TRAF6: variants seen among roughly 807,000 people sequenced by gnomAD.
TRAF6 encodes TNF receptor associated factor 6, also known as TNF receptor-associated factor 6.
In TRAF6, 10 loss-of-function variants were observed where a neutral mutation model predicts 48.4. The ratio of observed to expected loss-of-function variants is 0.21; its 90% CI spans 0.13 to 0.35. The LOEUF is 0.35. Among genes scored for constraint, TRAF6 ranks in the 10% least tolerant of loss-of-function variants. The pLI is 1.00. For synonymous variants in TRAF6, 186 were observed against 219.6 expected, an observed-to-expected ratio of 0.85 and a Z score of 1.35; for missense variants, 397 against 661.0, an observed-to-expected ratio of 0.60 and a Z score of 4.38.
chr11:36,498,795 T>C (rs1010853578), intron 2 of TRAF6, among the ~76,000 whole-genome samples, 155 bp from the exon 3 acceptor site: 2 of 152,214 alleles, frequency 1.3e-5, no homozygotes, highest in Non-Finnish European at 2.9e-5. Context: ...AAACTGTCCT[T>C]TTATGGAGAG....
intron 5 of TRAF6, among the ~76,000 whole-genome samples, chr11:36,494,159 G>A (rs1382889790): frequency 6.6e-6 from 1 of 152,026 alleles, no homozygotes; most frequent in Non-Finnish European, 1.5e-5. Flanking sequence ...GAGCTCAGGA[G>A]TTCGAGACCA....
Position 36,500,532 on chromosome 11 carries a change from C to A in TRAF6, c.296+688G>T, listed in dbSNP as rs780755519. Among the ~76,000 whole-genome samples, 21 of 152,180 alleles carry A rather than the reference C, an allele frequency of 1.4e-4. 1 individual carries two copies. The highest frequency in any genetic ancestry group is 2.6e-4 in the Non-Finnish European group (18 of 68,026). On this transcript the variant is annotated intron_variant, in intron 2 of 6. Coordinates refer to ENST00000526995, the MANE Select transcript of TRAF6 (RefSeq NM_004620.4). Reference sequence around the variant, plus strand: ...GGATTTTAGCTTTTACTCCCAGATACCCTGCTACAATGGTCTGAGCAGAGA... The same window carrying A: ...GGATTTTAGCTTTTACTCCCAGATAACCTGCTACAATGGTCTGAGCAGAGA...
chr11:36,492,750 G>A (rs1859581220), intron 5 of TRAF6, 122 bp from the exon 6 acceptor site: 2 of 706,220 alleles, frequency 2.8e-6, no homozygotes, highest in South Asian at 3.6e-5. Context: ...TTGAATAGGT[G>A]CAGCATAAAC....
chr11:36,502,873 TGAG>T (rs1182498777), intron 1 of TRAF6, among the ~76,000 whole-genome samples: 16 of 152,202 alleles, frequency 1.1e-4, no homozygotes, highest in African/African-American at 3.4e-4. Context: ...CTTGAGTTAC[TGAG>T]AAGATTAAAT....
intron 6 of TRAF6, among the ~76,000 whole-genome samples, chr11:36,491,325 A>T (rs1256284298): frequency 1.3e-5 from 2 of 152,194 alleles, no homozygotes; most frequent in African/African-American, 4.8e-5. Context: ...AAGGTCATAT[A>T]GTCTTTAAAA....
intron 1 of TRAF6, among the ~76,000 whole-genome samples, chr11:36,505,680 A>G (rs561411951): frequency 1.6e-4 from 25 of 152,320 alleles, no homozygotes; most frequent in Admixed American, 3.9e-4. Context: ...TAAATGGCCC[A>G]TTTTGACTTC....
intron 1 of TRAF6, among the ~76,000 whole-genome samples, 170 bp downstream of exon 1, chr11:36,509,878 C>T (rs1241334013): frequency 1.3e-5 from 2 of 151,624 alleles, no homozygotes; most frequent in Non-Finnish European, 2.9e-5. Context: ...GGCGGCGTCC[C>T]TGACCTGTGA....
rs978581209 is a variant in TRAF6, at chr11:36,487,808, G to A, written c.*2030C>T. ...TCTTTGTATCTAATGCACAGCCAGT[G>A]CTTTTAATAGAAATCTGACCAGGAA... is the stretch of plus-strand genomic sequence containing the variant. On this transcript the variant is annotated 3_prime_UTR_variant, in exon 7 of 7. Transcript: ENST00000526995. 6.6e-6 allele frequency: 1 copy of A among 152,086 alleles called. No individual in the cohort carries two copies. The highest frequency in any genetic ancestry group is 1.5e-5 in the Non-Finnish European group (1 of 68,028). The allele number at this position is 152,086 out of a possible 1,614,324, so 9.4% of individuals were successfully genotyped here.
intron 3 of TRAF6, among the ~76,000 whole-genome samples, chr11:36,497,951 C>T (rs1564967226): frequency 1.3e-5 from 2 of 148,302 alleles, no homozygotes; most frequent in South Asian, 2.1e-4. Context: ...GTGGCGTGAT[C>T]TCGGCTCACT....
At chr11:36,508,654 C>G (rs900480774) in intron 1 of TRAF6, among the ~76,000 whole-genome samples, 5 of 152,136 alleles carry the variant, frequency 3.3e-5, no homozygotes, top group Non-Finnish European at 5.9e-5. Flanking sequence ...GAGAAATTAT[C>G]TTTAATGTGC....
intron 1 of TRAF6, among the ~76,000 whole-genome samples, chr11:36,508,616 T>C (rs893936666): frequency 2.6e-5 from 4 of 152,186 alleles, no homozygotes; most frequent in African/African-American, 4.8e-5. Context: ...ATGTAACTTA[T>C]TGAAGTAAAA....
chr11:36,491,528 A>C (rs1182317649), intron 6 of TRAF6, among the ~76,000 whole-genome samples: 1 of 152,220 alleles, frequency 6.6e-6, no homozygotes, highest in Non-Finnish European at 1.5e-5. Flanking sequence ...GGGAAAAAAA[A>C]GTATAATGGA....
intron 5 of TRAF6, among the ~76,000 whole-genome samples, chr11:36,493,181 A>G (rs931263723): frequency 6.6e-6 from 1 of 152,242 alleles, no homozygotes; most frequent in Non-Finnish European, 1.5e-5. Flanking sequence ...GAAGCTCTAA[A>G]AAAAGTCTCA....
intron 5 of TRAF6, among the ~76,000 whole-genome samples, chr11:36,494,604 T>C (rs1167002235): frequency 6.6e-6 from 1 of 151,852 alleles, no homozygotes; most frequent in African/African-American, 2.4e-5. Flanking sequence ...CTCTGGACAC[T>C]TGAGATCCTC....
rs893015336 is a variant in TRAF6 at position 36,486,499 on chromosome 11, C to T, written c.*3339G>A. On this transcript the variant is annotated 3_prime_UTR_variant, in exon 7 of 7. Transcript: ENST00000526995. ...TATCTAAGACTTACTGGTGTAAAAA[C>T]GGTAATAGAGAATTATACTGTGACC... Among the ~76,000 whole-genome samples, 1 of 152,030 alleles carries T rather than the reference C, an allele frequency of 6.6e-6. No homozygotes were observed. The highest frequency in any genetic ancestry group is 1.5e-5 in the Non-Finnish European group (1 of 68,018).
Position 36,490,222 on chromosome 11 carries a change from A to G in TRAF6, c.1185T>C (p.Leu395=). 6.2e-7 allele frequency: 1 copy of G among 1,614,216 alleles called. No individual in the cohort carries two copies. The highest frequency in any genetic ancestry group is 2.2e-5 in the East Asian group (1 of 44,882). Residue 395 remains leucine (L), a synonymous_variant, in exon 7 of 7, where the codon CTT becomes CTC. Coordinates refer to ENST00000526995, the MANE Select transcript of TRAF6 (RefSeq NM_004620.4). This position sits in a 1 kb window ranked among gnomAD's most constrained non-coding sequence, Gnocchi z 6.4. ...CACAGCGCTGAGCAGTCGGTAACTG[A>G]AGGTGCAAGCGCATGCACAGTTTGT... ...PGYKLCMRLH[L]QLPTAQRCAN...
At position 36,492,572 on chromosome 11, in the gene TRAF6, A is replaced by T. The variant is rs377030527; in HGVS notation, c.735T>A (p.Ser245Arg). ...CPTAPIPCTF[S>R]TFGCHEKMQR... ...TTACCTTTTCATGGCAACCAAAAGT[A>T]CTGAATGTGCATGGAATTGGGGCTG... Residue 245 changes from serine (S) to arginine (R), a missense_variant, in exon 6 of 7, where the codon AGT (serine) becomes AGA (arginine). By Grantham distance (110) the Ser-to-Arg change is moderately radical. Around this residue, in one of 4 missense-constraint regions of TRAF6, gnomAD observed 245 missense variants for 349.1 expected, o/e 0.70. Transcript: ENST00000526995. The T allele has an allele frequency of 2.3e-5, 37 of 1,611,040 alleles. No individual in the cohort carries two copies. The highest frequency in any genetic ancestry group is 3.1e-5 in the Non-Finnish European group (37 of 1,179,314).
At chr11:36,495,251 C>T (rs1206104751) in intron 4 of TRAF6, among the ~76,000 whole-genome samples, 1 of 152,190 alleles carries the variant, frequency 6.6e-6, no homozygotes, top group Non-Finnish European at 1.5e-5. Flanking sequence ...ATTCAACTTT[C>T]CAGCTCTTTA....
chr11:36,494,071 A>C (rs542245533), intron 5 of TRAF6, among the ~76,000 whole-genome samples: 1 of 152,316 alleles, frequency 6.6e-6, no homozygotes, highest in Admixed American at 6.5e-5. Flanking sequence ...CTAATAGTCA[A>C]AACAATCTTT....
Sources: gnomAD v4.1 joint callset for allele counts (sites outside exome capture counted in the v4.1 genomes callset) on GRCh38, gnomAD v4.1.1 for gene constraint, gnomAD v4.1.1 regional missense constraint, Gnocchi (gnomAD v3.1) non-coding constraint, MANE v1.5 for transcripts, NCBI Gene and HGNC (gene_info 2026-07-23, HGNC 2026-07-21) for gene names.